Variants in TDRD12 observed in about 807,000 individuals in gnomAD.
TDRD12 encodes putative ATP-dependent RNA helicase TDRD12.
In TDRD12, 158 loss-of-function variants were observed where a neutral mutation model predicts 133.5. The observed-to-expected ratio is 1.18, with a 90% CI of 1.04 to 1.35. The LOEUF (loss-of-function observed/expected upper bound fraction) is 1.35. Ranked by LOEUF, TDRD12 falls within the 40% of genes most tolerant of loss-of-function variation. The pLI is 0.00. For synonymous variants in TDRD12, 460 were observed against 477.9 expected (o/e 0.96, Z 0.49); for missense variants, 1,443 against 1,321.3 (o/e 1.09, Z -1.43).
rs963316231 is a variant in TDRD12 at position 32,730,332 on chromosome 19, G to A, written c.25-1393G>A. Among the ~76,000 whole-genome samples the A allele has an allele frequency of 1.5e-4, 23 of 152,154 alleles. 1 individual carries two copies. The highest frequency in any genetic ancestry group is 1.4e-3 in the Admixed American group (22 of 15,264). ...TTGAATTGCAGCTGGTTAACACCAC[G>A]TGGACTGGGGAATGGGCTCAGGGGA... On this transcript the variant is annotated intron_variant, in intron 1 of 27. Coordinates refer to ENST00000444215, the Ensembl canonical transcript of TDRD12.
chr19:32,744,180 A>G (rs1969520062), intron 4 of TDRD12, among the ~76,000 whole-genome samples: 1 of 151,850 alleles, frequency 6.6e-6, no homozygotes, highest in African/African-American at 2.4e-5. Context: ...TTTCCAAACC[A>G]TTTGCACAGT....
intron 11 of TDRD12, among the ~76,000 whole-genome samples, chr19:32,782,673 A>G (rs1970803320): frequency 6.6e-6 from 1 of 152,130 alleles, no homozygotes; most frequent in African/African-American, 2.4e-5. Context: ...CTGGCATGAG[A>G]TGGTATCCCA....
chr19:32,741,018 T>A (rs1457890584), intron 3 of TDRD12, among the ~76,000 whole-genome samples: 1 of 152,180 alleles, frequency 6.6e-6, no homozygotes, highest in Non-Finnish European at 1.5e-5. Flanking sequence ...AATATGAGGA[T>A]TCTGATTTCA....
intron 8 of TDRD12, among the ~76,000 whole-genome samples, chr19:32,767,440 A>G (rs1970331658): frequency 6.6e-6 from 1 of 152,172 alleles, no homozygotes; most frequent in Non-Finnish European, 1.5e-5. Flanking sequence ...GTTGTCATGC[A>G]TTTTAATTCT....
At position 32,798,421 on chromosome 19, in the gene TDRD12, G is replaced by T. The variant is rs1426139722; in HGVS notation, c.1744G>T (p.Glu582Ter). 2.0e-6 allele frequency: 3 copies of T among 1,535,096 alleles called. No homozygotes were observed. The highest frequency in any genetic ancestry group is 2.6e-6 in the Non-Finnish European group (3 of 1,146,212). The stretch of plus-strand genomic sequence containing the variant: ...GGATGAGGTAGAGGTGCTATTCTTG[G>T]AAGCCAATGAACAGGTGAGCGTGGC... Residue 582 changes from glutamate (E) to a stop codon, truncating the protein, a stop_gained, in exon 16 of 28, where the codon GAA becomes TAA. Coordinates refer to ENST00000444215, the Ensembl canonical transcript of TDRD12. LOFTEE classifies it high-confidence loss of function.
chr19:32,761,269 C>T lies in TDRD12; in HGVS notation c.865+4139C>T, dbSNP rs10409009. Among the ~76,000 whole-genome samples, 774 of 152,266 alleles carry T rather than the reference C, an allele frequency of 5.1e-3. 9 individuals are homozygous for T. Among genetic ancestry groups the T allele is most frequent in the African/African-American group, 0.018 (728 of 41,558 alleles). On this transcript the variant is annotated intron_variant, in intron 8 of 27. Coordinates refer to ENST00000444215, the Ensembl canonical transcript of TDRD12. ...TAGCTGGGACTACAGGCGCCCGCCACCAAGCCCAGCTAATTTTTTATTTTT... is the reference window on the plus strand; with the variant it reads ...TAGCTGGGACTACAGGCGCCCGCCATCAAGCCCAGCTAATTTTTTATTTTT...
At position 32,788,123 on chromosome 19, in the gene TDRD12, CT is replaced by C. The variant is rs972063135; in HGVS notation, c.1122-2399del. Among the ~76,000 whole-genome samples the C allele has an allele frequency of 2.8e-3, 417 of 147,902 alleles. 1 individual carries two copies. The highest frequency in any genetic ancestry group is 9.5e-3 in the African/African-American group (383 of 40,326). ...GTCTTTTTGCTTTACTTTTTTTTTT[CT>C]TTTTTTTTGTTTTTTTGAAATGGAG... is the stretch of plus-strand genomic sequence containing the variant. On this transcript the variant is annotated intron_variant, in intron 11 of 27. Coordinates refer to ENST00000444215, the Ensembl canonical transcript of TDRD12.
At chr19:32,794,246 T>C (rs1267579467) in intron 13 of TDRD12, among the ~76,000 whole-genome samples, 1 of 151,614 alleles carries the variant, frequency 6.6e-6, no homozygotes, top group Non-Finnish European at 1.5e-5. Context: ...GCTGGGATTA[T>C]AGGCATGCAC....
In TDRD12 at chr19:32,801,882, T is replaced by G; in HGVS notation, c.2197+9T>G. ...CTCTCAAATTATATTAGGTAAGTGT[T>G]TTAATTTCTACTTCTATTTAGTGAA... On this transcript the variant is annotated intron_variant, in intron 19 of 27. Coordinates refer to ENST00000444215, the Ensembl canonical transcript of TDRD12. 9.2e-7 allele frequency: 1 copy of G among 1,085,960 alleles called. No individual in the cohort carries two copies. 67.3% of individuals were successfully genotyped at this position (1,085,960 alleles called of 1,614,324 possible). A position where few individuals can be genotyped will look rare whatever the true frequency, so the allele number is the denominator to read the frequency against.
At chr19:32,780,303 C>G (rs1374310489) in intron 11 of TDRD12, among the ~76,000 whole-genome samples, 1 of 152,142 alleles carries the variant, frequency 6.6e-6, no homozygotes, top group Non-Finnish European at 1.5e-5. Flanking sequence ...CCAGGCTGGT[C>G]TCGAACTCCT....
At chr19:32,815,136 A>C (rs1967131409) in intron 25 of TDRD12, among the ~76,000 whole-genome samples, 1 of 152,068 alleles carries the variant, frequency 6.6e-6, no homozygotes, top group Non-Finnish European at 1.5e-5. Context: ...CGAATTATGC[A>C]TCTGACTAGG....
intron 4 of TDRD12, 130 bp from the exon 5 acceptor site, chr19:32,748,346 G>C: frequency 1.1e-6 from 1 of 881,988 alleles, no homozygotes; most frequent in Non-Finnish European, 1.7e-6. Flanking sequence ...CCAGTGCCAG[G>C]TGCCCCATCA....
intron 14 of TDRD12, chr19:32,796,065 A>C (rs1971215941): frequency 1.5e-6 from 1 of 663,740 alleles, no homozygotes; most frequent in East Asian, 1.4e-4. Flanking sequence ...TGGGAAAGAG[A>C]GGAGCGGTGT....
At chr19:32,756,627 A>T (rs564467975) in intron 7 of TDRD12, among the ~76,000 whole-genome samples, 1 of 152,126 alleles carries the variant, frequency 6.6e-6, no homozygotes, top group South Asian at 2.1e-4. Flanking sequence ...TGACCTCATG[A>T]TCCGCCTGTC....
At chr19:32,727,671 T>C (rs899491106) in intron 1 of TDRD12, among the ~76,000 whole-genome samples, 4 of 152,158 alleles carry the variant, frequency 2.6e-5, no homozygotes, top group Non-Finnish European at 5.9e-5. Context: ...TTTATTTTTA[T>C]TTTTATTTTC....
downstream of TDRD12, chr19:32,821,373 T>A (rs1300415396): frequency 6.5e-5 from 13 of 199,726 alleles, no homozygotes; most frequent in East Asian, 4.4e-4. Flanking sequence ...CAGCAGAGTG[T>A]GTGTGTGTGT....
At chr19:32,756,848 C>T (rs559529627) in intron 7 of TDRD12, among the ~76,000 whole-genome samples, 190 bp from the exon 8 acceptor site, 5 of 152,312 alleles carry the variant, frequency 3.3e-5, no homozygotes, top group African/African-American at 4.8e-5. Context: ...GAGCTAGTCA[C>T]GGATTGTGGA....
chr19:32,725,433 G>A (rs903789356), intron 1 of TDRD12, among the ~76,000 whole-genome samples: 3 of 151,862 alleles, frequency 2.0e-5, no homozygotes, highest in Non-Finnish European at 2.9e-5. Flanking sequence ...TTCTGCATAC[G>A]GCTAGCCAGT....
rs1447586209 is a variant in TDRD12, at chr19:32,731,758, A to G, written c.58A>G (p.Lys20Glu). The change falls in exon 2 of 28, where the codon AAA becomes GAA. Residue 20 changes from lysine (K) to glutamate (E), a missense_variant. Lys to Glu is a moderately conservative substitution (Grantham distance 56). Transcript: ENST00000444215. ...TCCAGGTTGCTTCTGGGTTATTATAAAAGGGTGTAGTCCCTTTTTAGATCA... is the reference window on the plus strand; with the variant it reads ...TCCAGGTTGCTTCTGGGTTATTATAGAAGGGTGTAGTCCCTTTTTAGATCA... 3 of 1,548,010 alleles carry G rather than the reference A, an allele frequency of 1.9e-6. No homozygotes were observed. The Admixed American group carries it at 6.0e-5, about 31-fold the overall frequency.
Sources: gnomAD v4.1 joint callset for allele counts (sites outside exome capture counted in the v4.1 genomes callset) on GRCh38, gnomAD v4.1.1 for gene constraint, MANE v1.5 for transcripts, NCBI Gene and HGNC (gene_info 2026-07-23, HGNC 2026-07-21) for gene names.